The following NDNF variants were observed in gnomAD, a reference collection of about 807,000 sequenced individuals.
NDNF encodes protein NDNF.
NDNF carries 16 observed loss-of-function variants against 42.0 expected under a neutral mutation model. The ratio of observed to expected loss-of-function variants is 0.38; its 90% CI spans 0.26 to 0.58. The LOEUF is 0.58. Among genes scored for constraint, NDNF ranks in the 20% least tolerant of loss-of-function variants. The pLI, the probability that NDNF is intolerant of heterozygous loss-of-function variation, is 0.67. For missense variants in NDNF, 616 were observed against 666.2 expected (o/e 0.92, Z 0.83); for synonymous variants, 248 against 251.7 (o/e 0.99, Z 0.14).
chr4:121,054,015 G>A (rs1727244389), intron 1 of NDNF, among the ~76,000 whole-genome samples: 1 of 152,104 alleles, frequency 6.6e-6, no homozygotes, highest in African/African-American at 2.4e-5. Context: ...AATTGTTGTG[G>A]TCAATAAAAA....
chr4:121,039,219 T>C (rs1439345617), intron 3 of NDNF, among the ~76,000 whole-genome samples: 1 of 36,380 alleles, frequency 2.7e-5, no homozygotes, highest in Non-Finnish European at 1.2e-4. Flanking sequence ...TATATATATA[T>C]ATATATATAT....
At chr4:121,049,161 A>G (rs1390475508) in intron 1 of NDNF, among the ~76,000 whole-genome samples, 2 of 152,226 alleles carry the variant, frequency 1.3e-5, no homozygotes, top group African/African-American at 4.8e-5. Context: ...AATTCAAGTT[A>G]TAGGATTATG....
intron 1 of NDNF, among the ~76,000 whole-genome samples, chr4:121,066,896 G>A (rs1287002634): frequency 1.3e-5 from 2 of 152,174 alleles, no homozygotes; most frequent in Non-Finnish European, 2.9e-5. Context: ...AGAAGAGGGT[G>A]TTTACCTTGA....
chr4:121,037,296 A>G lies in NDNF; in HGVS notation c.675T>C (p.Cys225=). The G allele has an allele frequency of 6.2e-7, 1 of 1,614,130 alleles. No individual in the cohort carries two copies. The highest frequency in any genetic ancestry group is 8.5e-7 in the Non-Finnish European group (1 of 1,180,014). ...INKEHNFKSL[C]AVEAKLSADD... ...CTGCACTCAGTTTTGCTTCCACTGCACAGAGACTTTTGAAATTGTGCTCTT... is the reference window on the plus strand; with the variant it reads ...CTGCACTCAGTTTTGCTTCCACTGCGCAGAGACTTTTGAAATTGTGCTCTT... The change falls in exon 4 of 4, where the codon TGT becomes TGC. Residue 225 remains cysteine (C), a synonymous_variant. Coordinates refer to ENST00000379692, the MANE Select transcript of NDNF (RefSeq NM_024574.4).
intron 1 of NDNF, among the ~76,000 whole-genome samples, chr4:121,054,770 A>G (rs367967223): frequency 3.3e-5 from 5 of 152,214 alleles, no homozygotes; most frequent in East Asian, 3.9e-4. Context: ...TGCCAATCAC[A>G]TAGAGATTCA....
In NDNF at chr4:121,059,431, A is replaced by G. The variant is rs189059303; in HGVS notation, c.-2+12562T>C. On this transcript the variant is annotated intron_variant, in intron 1 of 3. Coordinates refer to ENST00000379692, the MANE Select transcript of NDNF (RefSeq NM_024574.4). ...AAATATGAATGCTTTTGACAATTTTATGGGTGCTAAACTTATATATAATAG... is the reference window on the plus strand; with the variant it reads ...AAATATGAATGCTTTTGACAATTTTGTGGGTGCTAAACTTATATATAATAG... Among the ~76,000 whole-genome samples, 4 of 152,356 alleles carry G rather than the reference A, an allele frequency of 2.6e-5. No individual in the cohort carries two copies. In the East Asian group the frequency reaches 7.7e-4, roughly 29 times the overall value.
At chr4:121,038,086 G>A (rs1274667794) in intron 3 of NDNF, 1 of 156,136 alleles carries the variant, frequency 6.4e-6, no homozygotes, top group Admixed American at 6.3e-5. Flanking sequence ...ATTTGGCTGG[G>A]TGTCATGGCT....
chr4:121,039,143 G>GTATATATATATATACTTATATATATA (rs1386847891), intron 3 of NDNF, among the ~76,000 whole-genome samples: 4 of 37,704 alleles, frequency 1.1e-4, no homozygotes, highest in Non-Finnish European at 4.0e-4. Flanking sequence ...ATATATATAT[G>GTATATATATATATACTTATATATATA]TGTATATATA....
chr4:121,068,568 G>A (rs1234020463), intron 1 of NDNF, among the ~76,000 whole-genome samples: 1 of 152,136 alleles, frequency 6.6e-6, no homozygotes, highest in Non-Finnish European at 1.5e-5. Context: ...GGGTATCCCT[G>A]CCTTTGACCC....
At chr4:121,070,895 C>T (rs373815206) in intron 1 of NDNF, among the ~76,000 whole-genome samples, 13 of 152,124 alleles carry the variant, frequency 8.5e-5, no homozygotes, top group South Asian at 2.1e-4. Context: ...GCCGGAGGGA[C>T]AGCTCAGAGA....
At chr4:121,070,199 C>T (rs1341957549) in intron 1 of NDNF, among the ~76,000 whole-genome samples, 1 of 146,894 alleles carries the variant, frequency 6.8e-6, no homozygotes, top group Non-Finnish European at 1.5e-5. Context: ...GCGAAGGTTG[C>T]GGCCTTATTA....
chr4:121,046,216 G>GT (rs540801920), intron 1 of NDNF, among the ~76,000 whole-genome samples: 1 of 152,162 alleles, frequency 6.6e-6, no homozygotes, highest in Non-Finnish European at 1.5e-5. Context: ...CTTAAGGTCA[G>GT]TTTTTTGAAC....
chr4:121,070,202 C>T (rs1199621347), intron 1 of NDNF, among the ~76,000 whole-genome samples: 2 of 144,060 alleles, frequency 1.4e-5, no homozygotes, highest in African/African-American at 4.9e-5. Flanking sequence ...AAGGTTGCGG[C>T]CTTATTATCA....
At chr4:121,055,760 C>T (rs1232216063) in intron 1 of NDNF, among the ~76,000 whole-genome samples, 1 of 152,062 alleles carries the variant, frequency 6.6e-6, no homozygotes, top group African/African-American at 2.4e-5. Flanking sequence ...CCGCCAGATA[C>T]ATGGATGGTT....
intron 3 of NDNF, among the ~76,000 whole-genome samples, chr4:121,039,245 G>GTATATA (rs201707169): frequency 8.3e-6 from 1 of 120,428 alleles, no homozygotes; most frequent in African/African-American, 3.4e-5. Context: ...TAAAGACTAT[G>GTATATA]TATATATATA....
chr4:121,069,791 C>T (rs1727558862), intron 1 of NDNF, among the ~76,000 whole-genome samples: 1 of 152,172 alleles, frequency 6.6e-6, no homozygotes, highest in Non-Finnish European at 1.5e-5. Context: ...ACTAATTTAT[C>T]TAACTCCTAG....
At chr4:121,039,820 C>T (rs1726964641) in intron 3 of NDNF, 110 bp downstream of exon 3, 14 of 1,279,468 alleles carry the variant, frequency 1.1e-5, no homozygotes, top group Non-Finnish European at 1.4e-5. Context: ...TCCAGATTCA[C>T]TTGTGCACCC....
chr4:121,066,568 T>G (rs535551854), intron 1 of NDNF, among the ~76,000 whole-genome samples: 2 of 152,350 alleles, frequency 1.3e-5, no homozygotes, highest in African/African-American at 4.8e-5. Context: ...ACTGCCAGGA[T>G]AGGGCATTGT....
chr4:121,038,438 T>C (rs1000089708), intron 3 of NDNF, among the ~76,000 whole-genome samples: 9 of 150,698 alleles, frequency 6.0e-5, no homozygotes, highest in African/African-American at 1.7e-4. Context: ...AGGTTCAAAG[T>C]ATAGAACGTG....
Sources: allele counts gnomAD v4.1 joint callset (sites outside exome capture counted in the v4.1 genomes callset), GRCh38; gene constraint gnomAD v4.1.1; transcripts MANE v1.5; gene names NCBI Gene and HGNC (gene_info 2026-07-23, HGNC 2026-07-21).